The following ARHGAP15 variants were observed in gnomAD, a reference collection of about 807,000 sequenced individuals.
ARHGAP15 encodes Rho GTPase activating protein 15.
Under a neutral mutation model 63.7 loss-of-function variants are expected in ARHGAP15, and 51 were observed. That is an observed-to-expected ratio of 0.80 (90% confidence interval 0.64 to 1.01). ARHGAP15 has a LOEUF of 1.01. Ranked by LOEUF, ARHGAP15 falls within the 50% of genes least tolerant of loss-of-function variation. The pLI is 0.00. For missense variants in ARHGAP15, 560 were observed against 564.6 expected (o/e 0.99, Z 0.08); for synonymous variants, 191 against 193.8 (o/e 0.99, Z 0.12).
chr2:143,685,331 C>A (rs1210772305), intron 12 of ARHGAP15, among the ~76,000 whole-genome samples: 1 of 152,150 alleles, frequency 6.6e-6, no homozygotes, highest in African/African-American at 2.4e-5. Flanking sequence ...AAAACACAGT[C>A]GAGCTATTTG....
rs114705900 is a variant in ARHGAP15, at chr2:143,245,624, T to C, written c.385-4887T>C. ...GATGCTTGCTTTTCTTCTTCTTCTT[T>C]TTTTTTTTTAAACGGGTAATGAACA... On this transcript the variant is annotated intron_variant, in intron 5 of 13. Transcript: ENST00000295095. Among the ~76,000 whole-genome samples the C allele has an allele frequency of 2.7e-3, 409 of 151,690 alleles. 2 individuals carry two copies. The highest frequency in any genetic ancestry group is 8.3e-3 in the African/African-American group (343 of 41,404).
At chr2:143,653,131 T>C (rs1681256374) in intron 12 of ARHGAP15, among the ~76,000 whole-genome samples, 1 of 152,132 alleles carries the variant, frequency 6.6e-6, no homozygotes, top group South Asian at 2.1e-4. Context: ...TCTACTGAGA[T>C]GAACATAAGG....
chr2:143,247,321 G>C (rs1694078058), intron 5 of ARHGAP15: 1 of 152,536 alleles, frequency 6.6e-6, no homozygotes, highest in Non-Finnish European at 1.5e-5. Context: ...CCGCCACTGG[G>C]CTGTGGAGCC....
At chr2:143,259,436 G>GA (rs1212243455) in intron 6 of ARHGAP15, among the ~76,000 whole-genome samples, 1 of 152,068 alleles carries the variant, frequency 6.6e-6, no homozygotes, top group South Asian at 2.1e-4. Context: ...TAGCAATATG[G>GA]AAAAAAATGC....
intron 6 of ARHGAP15, among the ~76,000 whole-genome samples, chr2:143,274,323 A>C (rs950157529): frequency 6.6e-6 from 1 of 152,174 alleles, no homozygotes; most frequent in African/African-American, 2.4e-5. Flanking sequence ...GAAAAAAAAA[A>C]TCCAAAGCTC....
At chr2:143,664,786 C>T (rs1682062138) in intron 12 of ARHGAP15, among the ~76,000 whole-genome samples, 1 of 152,230 alleles carries the variant, frequency 6.6e-6, no homozygotes, top group Non-Finnish European at 1.5e-5. Flanking sequence ...ATACTACAAA[C>T]ACCTCTACTC....
At chr2:143,675,138 A>T (rs1574823357) in intron 12 of ARHGAP15, among the ~76,000 whole-genome samples, 1 of 152,076 alleles carries the variant, frequency 6.6e-6, no homozygotes, top group African/African-American at 2.4e-5. Flanking sequence ...TATCTTCACC[A>T]GGGGAGATTC....
At chr2:143,351,892 T>C (rs548261204) in intron 6 of ARHGAP15, among the ~76,000 whole-genome samples, 16 of 152,342 alleles carry the variant, frequency 1.1e-4, no homozygotes, top group South Asian at 2.1e-4. Flanking sequence ...ACATAGATTC[T>C]CATTATACTT....
At chr2:143,161,974 A>G (rs930696170) in intron 2 of ARHGAP15, 12 of 152,004 alleles carry the variant, frequency 7.9e-5, no homozygotes, top group African/African-American at 2.9e-4. Context: ...AAACCATGGA[A>G]TGACAGATAT....
chr2:143,378,109 C>T lies in ARHGAP15; in HGVS notation c.475-57492C>T, dbSNP rs1417391310. ...CTAGAATGGTGAAGGGTCCCCCTCA[C>T]CAATGCCTTGGATGCATGACTTTGG... On this transcript the variant is annotated intron_variant, in intron 6 of 13. Transcript: ENST00000295095. 2.6e-5 allele frequency among the ~76,000 whole-genome samples: 4 copies of T among 151,910 alleles called. No homozygotes were observed. The East Asian group carries it at 7.7e-4, about 29-fold the overall frequency.
intron 8 of ARHGAP15, among the ~76,000 whole-genome samples, chr2:143,463,611 C>G (rs1393057180): frequency 6.6e-6 from 1 of 151,988 alleles, no homozygotes; most frequent in Non-Finnish European, 1.5e-5. Flanking sequence ...CAGTTGCAAC[C>G]TTTTTATCTA....
chr2:143,394,994 A>T (rs1687697667), intron 6 of ARHGAP15, among the ~76,000 whole-genome samples: 1 of 152,162 alleles, frequency 6.6e-6, no homozygotes, highest in Non-Finnish European at 1.5e-5. Flanking sequence ...AGCAAGAAAG[A>T]TTGCTATGCT....
intron 10 of ARHGAP15, among the ~76,000 whole-genome samples, chr2:143,532,533 G>A (rs928223883): frequency 3.3e-5 from 5 of 152,090 alleles, no homozygotes; most frequent in Non-Finnish European, 7.4e-5. Flanking sequence ...TAAACTAGTG[G>A]AAATGATACA....
chr2:143,555,925 T>TAGAAC lies in ARHGAP15; in HGVS notation c.926-479_926-475dup, dbSNP rs1375625754. Among the ~76,000 whole-genome samples, 3 of 124,574 alleles carry TAGAAC rather than the reference T, an allele frequency of 2.4e-5. No individual in the cohort carries two copies. The East Asian group carries it at 7.3e-4, about 30-fold the overall frequency. 81.7% of individuals were successfully genotyped at this position (124,574 alleles called of 152,430 possible). On this transcript the variant is annotated intron_variant, in intron 10 of 13. Coordinates refer to ENST00000295095, the MANE Select transcript of ARHGAP15 (RefSeq NM_018460.4). ...TAGAATAGAATAGAATAGAATAGAA[T>TAGAAC]AGAACAGAGTAGAAATGGAGAGAAG... is the stretch of plus-strand genomic sequence containing the variant.
Position 143,202,101 on chromosome 2 carries a change from A to G in ARHGAP15, c.166-33A>G, listed in dbSNP as rs758807954. 3 of 1,551,940 alleles carry G rather than the reference A, an allele frequency of 1.9e-6. No individual in the cohort carries two copies. In the African/African-American group the frequency reaches 4.1e-5, roughly 21 times the overall value. ...TTACTAAACTCTATCAAGAAAAATTATGTAATAATATCCAATGTCAATATA... is the reference window on the plus strand; with the variant it reads ...TTACTAAACTCTATCAAGAAAAATTGTGTAATAATATCCAATGTCAATATA... On this transcript the variant is annotated intron_variant, in intron 2 of 13. Coordinates refer to ENST00000295095, the MANE Select transcript of ARHGAP15 (RefSeq NM_018460.4).
intron 8 of ARHGAP15, among the ~76,000 whole-genome samples, chr2:143,439,827 G>T (rs1394987258): frequency 6.6e-6 from 1 of 152,052 alleles, no homozygotes; most frequent in Non-Finnish European, 1.5e-5. Context: ...ATCGAACTTA[G>T]ACTTGGATAG....
intron 6 of ARHGAP15, among the ~76,000 whole-genome samples, chr2:143,347,913 A>C (rs1488976078): frequency 2.0e-5 from 3 of 151,544 alleles, no homozygotes; most frequent in Non-Finnish European, 4.4e-5. Context: ...GATTTTCCTC[A>C]CGGTTCATAA....
intron 6 of ARHGAP15, among the ~76,000 whole-genome samples, chr2:143,382,748 G>A (rs1687115129): frequency 6.6e-6 from 1 of 152,146 alleles, no homozygotes. Context: ...ATCCCGTGAG[G>A]CTGAAAGTGC....
intron 6 of ARHGAP15, among the ~76,000 whole-genome samples, chr2:143,282,558 C>A (rs1269645917): frequency 2.0e-5 from 3 of 152,076 alleles, no homozygotes; most frequent in Admixed American, 2.0e-4. Context: ...GACCTGCCCC[C>A]ATGATTCAAT....
Sources: gnomAD v4.1 joint callset for allele counts (sites outside exome capture counted in the v4.1 genomes callset) on GRCh38, gnomAD v4.1.1 for gene constraint, MANE v1.5 for transcripts, NCBI Gene and HGNC (gene_info 2026-07-23, HGNC 2026-07-21) for gene names.